Variants in CSGALNACT1 observed in about 807,000 individuals in gnomAD.
CSGALNACT1 encodes the protein beta4GalNAcT-1.
A neutral mutation model predicts 51.0 loss-of-function variants in CSGALNACT1; 52 were observed. That is an observed-to-expected ratio of 1.02 (90% confidence interval 0.82 to 1.29). CSGALNACT1 has a LOEUF of 1.29. Among genes scored for constraint, CSGALNACT1 ranks in the 50% most tolerant of loss-of-function variants. The pLI is 0.00. For synonymous variants in CSGALNACT1, 341 were observed against 254.4 expected (o/e 1.34, Z -3.24); for missense variants, 935 against 679.2 (o/e 1.38, Z -4.19).
intron 1 of CSGALNACT1, among the ~76,000 whole-genome samples, chr8:19,656,525 C>T (rs772223358): frequency 9.2e-5 from 14 of 151,464 alleles, no homozygotes; most frequent in East Asian, 1.9e-4. Flanking sequence ...ACTGAATTTA[C>T]ACTTAAAACA....
rs1467913759 is a variant in CSGALNACT1 at position 19,514,508 on chromosome 8, T to TATATAC, written c.-296-8379_-296-8378insGTATAT. Among the ~76,000 whole-genome samples, 3 of 139,364 alleles carry TATATAC rather than the reference T, an allele frequency of 2.2e-5. No individual in the cohort carries two copies. In the East Asian group the frequency reaches 6.1e-4, roughly 28 times the overall value. The allele number at this position is 139,364 out of a possible 152,430, so 91.4% of individuals were successfully genotyped here. On this transcript the variant is annotated intron_variant, in intron 3 of 9. Coordinates refer to ENST00000454498, the Ensembl canonical transcript of CSGALNACT1. ...ATATATATATATATATATATATATA[T>TATATAC]ATACATGTATCTATTTAAAAATTAT...
At chr8:19,720,419 A>G (rs2063057941) in intron 1 of CSGALNACT1, among the ~76,000 whole-genome samples, 1 of 152,198 alleles carries the variant, frequency 6.6e-6, no homozygotes, top group Non-Finnish European at 1.5e-5. Flanking sequence ...TGCTCAAAAG[A>G]GTTCAGAGGA....
At chr8:19,679,548 G>T (rs142439338) in intron 1 of CSGALNACT1, among the ~76,000 whole-genome samples, 193 of 152,258 alleles carry the variant, frequency 1.3e-3, no homozygotes, top group African/African-American at 4.3e-3. Flanking sequence ...AGGTACTGAC[G>T]CAGGATGCTG....
At chr8:19,593,736 T>C (rs2048319741) in intron 2 of CSGALNACT1, among the ~76,000 whole-genome samples, 1 of 152,202 alleles carries the variant, frequency 6.6e-6, no homozygotes, top group Non-Finnish European at 1.5e-5. Context: ...GTGCAGCTCC[T>C]CTCATTCTGC....
chr8:19,450,575 GTT>G (rs1424269566), intron 5 of CSGALNACT1, among the ~76,000 whole-genome samples: 1 of 152,140 alleles, frequency 6.6e-6, no homozygotes, highest in African/African-American at 2.4e-5. Flanking sequence ...GCCTGCCACA[GTT>G]CCAGGCATTT....
intron 1 of CSGALNACT1, among the ~76,000 whole-genome samples, chr8:19,657,961 T>G (rs1371912616): frequency 6.6e-6 from 1 of 151,950 alleles, no homozygotes; most frequent in African/African-American, 2.4e-5. Context: ...CTAGCTGATA[T>G]TTTAAGGTCT....
chr8:19,729,446 A>C (rs2063570720), intron 1 of CSGALNACT1, among the ~76,000 whole-genome samples: 1 of 152,204 alleles, frequency 6.6e-6, no homozygotes. Context: ...TGAGCCATAC[A>C]GATGCAGAAT....
At chr8:19,500,980 T>C (rs1175159271) in intron 4 of CSGALNACT1, among the ~76,000 whole-genome samples, 1 of 152,156 alleles carries the variant, frequency 6.6e-6, no homozygotes, top group Non-Finnish European at 1.5e-5. Flanking sequence ...CCGGGCACGG[T>C]GGCTCACGCC....
chr8:19,669,126 G>C (rs535604619), intron 1 of CSGALNACT1, among the ~76,000 whole-genome samples: 1 of 152,256 alleles, frequency 6.6e-6, no homozygotes, highest in South Asian at 2.1e-4. Flanking sequence ...AAAGTATGTT[G>C]ATCATTTGCT....
chr8:19,638,443 A>C (rs188539713), intron 1 of CSGALNACT1, among the ~76,000 whole-genome samples: 1 of 152,144 alleles, frequency 6.6e-6, no homozygotes. Context: ...CTGCCCTGTA[A>C]GATTACTCTC....
rs138592153 is a variant in CSGALNACT1, at chr8:19,621,782, A to G, written c.-543-19917T>C. 3.0e-3 allele frequency among the ~76,000 whole-genome samples: 456 copies of G among 152,296 alleles called. 5 individuals carry two copies. The highest frequency in any genetic ancestry group is 0.01 in the African/African-American group (429 of 41,566). On this transcript the variant is annotated intron_variant, in intron 1 of 9. Transcript: ENST00000332246. ...GGCAACAGAACAAGACGCTGTCTCT[A>G]AAAAATAAAAATAAAAGAGTAAAAC...
intron 3 of CSGALNACT1, among the ~76,000 whole-genome samples, chr8:19,544,017 G>A (rs531528926): frequency 4.6e-5 from 7 of 152,124 alleles, no homozygotes; most frequent in African/African-American, 7.2e-5. Flanking sequence ...CTTCCCTCAC[G>A]AAATACATCA....
intron 3 of CSGALNACT1, among the ~76,000 whole-genome samples, chr8:19,545,377 A>T (rs765139737): frequency 3.8e-4 from 58 of 152,208 alleles, no homozygotes; most frequent in South Asian, 2.1e-4. Flanking sequence ...TTCACGAAAA[A>T]TGAGATGGGG....
chr8:19,755,391 T>C lies in CSGALNACT1; in HGVS notation c.-297+2459A>G, dbSNP rs964227544. Among the ~76,000 whole-genome samples, 3 of 143,134 alleles carry C rather than the reference T, an allele frequency of 2.1e-5. No individual in the cohort carries two copies. In the East Asian group the frequency reaches 6.4e-4, roughly 30 times the overall value. 93.9% of individuals were successfully genotyped at this position (143,134 alleles called of 152,430 possible). On this transcript the variant is annotated intron_variant, in intron 1 of 1. Coordinates refer to the CSGALNACT1 transcript ENST00000517494. ...AAGTAGGGTTACAAAGAAGAAGGAA[T>C]TTTTACAATTTTTTTTAAATGTTGA...
chr8:19,725,017 G>C (rs558440043), intron 1 of CSGALNACT1, among the ~76,000 whole-genome samples: 9 of 152,312 alleles, frequency 5.9e-5, no homozygotes, highest in African/African-American at 2.2e-4. Context: ...GTGGCTGTCT[G>C]ACTCATGAGC....
intron 6 of CSGALNACT1, among the ~76,000 whole-genome samples, chr8:19,421,658 C>T (rs1316936829): frequency 6.6e-6 from 1 of 152,210 alleles, no homozygotes. Context: ...TTCCAAGTAC[C>T]CGTCTCGGGT....
chr8:19,424,554 G>A (rs887791460), intron 6 of CSGALNACT1, among the ~76,000 whole-genome samples: 3 of 152,166 alleles, frequency 2.0e-5, no homozygotes, highest in Admixed American at 6.5e-5. Context: ...GCCTAGAAGT[G>A]GGGCAGCCTC....
At chr8:19,575,898 A>C (rs2044097249) in intron 3 of CSGALNACT1, among the ~76,000 whole-genome samples, 1 of 152,138 alleles carries the variant, frequency 6.6e-6, no homozygotes, top group Non-Finnish European at 1.5e-5. Context: ...ATACTTTTCT[A>C]TCTTTTGAGA....
At chr8:19,722,981 G>C (rs7460708) in intron 1 of CSGALNACT1, among the ~76,000 whole-genome samples, 7 of 152,106 alleles carry the variant, frequency 4.6e-5, no homozygotes, top group Admixed American at 3.9e-4. Flanking sequence ...ACCTGCCACC[G>C]ATCTTTATTC....
Sources: gnomAD v4.1 joint callset for allele counts (sites outside exome capture counted in the v4.1 genomes callset) on GRCh38, gnomAD v4.1.1 for gene constraint, MANE v1.5 for transcripts, NCBI Gene and HGNC (gene_info 2026-07-23, HGNC 2026-07-21) for gene names.